The following CNBD1 variants were observed in gnomAD, a reference collection of about 807,000 sequenced individuals.
The protein encoded by CNBD1 is cyclic nucleotide binding domain containing 1.
A neutral mutation model predicts 54.4 loss-of-function variants in CNBD1; 71 were observed. The observed-to-expected ratio is 1.30, with a 90% confidence interval of 1.08 to 1.59. CNBD1 has a LOEUF of 1.59. CNBD1 is among the 40% of genes most tolerant of loss of function. The pLI is 0.00. For missense variants in CNBD1, 659 were observed against 518.0 expected (o/e 1.27, Z -2.64); for synonymous variants, 182 against 170.7 (o/e 1.07, Z -0.51).
chr8:86,984,629 G>A lies in CNBD1; in HGVS notation c.431+44875G>A, dbSNP rs140317716. Among the ~76,000 whole-genome samples the A allele has an allele frequency of 5.6e-3, 847 of 152,310 alleles. 14 individuals are homozygous for A. Among genetic ancestry groups the A allele is most frequent in the African/African-American group, 0.019 (804 of 41,570 alleles). On this transcript the variant is annotated intron_variant, in intron 4 of 10. Coordinates refer to ENST00000518476, the MANE Select transcript of CNBD1 (RefSeq NM_173538.3). ...GTGTGACCTGTATGTGAGACATGGA[G>A]TCAAAGGAGATCATTTTAAAGCTTT...
intron 8 of CNBD1, among the ~76,000 whole-genome samples, chr8:87,313,602 C>T (rs1481027999): frequency 6.6e-6 from 1 of 151,822 alleles, no homozygotes; most frequent in African/African-American, 2.4e-5. Flanking sequence ...ATTCTGTGTC[C>T]TGCATAACAA....
At chr8:87,394,155 G>A (rs754336700) in intron 2 of CNBD1, among the ~76,000 whole-genome samples, 11 of 151,884 alleles carry the variant, frequency 7.2e-5, no homozygotes, top group Admixed American at 3.9e-4. Flanking sequence ...TATTTTATGA[G>A]CATGTTACAC....
chr8:87,335,447 A>G (rs1428505062), intron 8 of CNBD1, among the ~76,000 whole-genome samples: 1 of 152,114 alleles, frequency 6.6e-6, no homozygotes, highest in East Asian at 1.9e-4. Flanking sequence ...TGATCCCTTT[A>G]TCATTATGTA....
At chr8:87,370,226 C>G (rs1263736824) in intron 10 of CNBD1, among the ~76,000 whole-genome samples, 10 of 151,912 alleles carry the variant, frequency 6.6e-5, no homozygotes, top group African/African-American at 2.4e-4. Context: ...GATTTGTAGT[C>G]CTTTGGGTAT....
chr8:87,317,995 C>G (rs1809435312), intron 8 of CNBD1, among the ~76,000 whole-genome samples: 1 of 151,934 alleles, frequency 6.6e-6, no homozygotes, highest in Non-Finnish European at 1.5e-5. Flanking sequence ...TACTGTACAT[C>G]AGAACCATTA....
At chr8:87,080,205 C>T (rs1810961134) in intron 4 of CNBD1, among the ~76,000 whole-genome samples, 1 of 152,126 alleles carries the variant, frequency 6.6e-6, no homozygotes, top group African/African-American at 2.4e-5. Context: ...TTATAATAAG[C>T]CTGGCAATCA....
chr8:87,328,123 C>G (rs989631282), intron 8 of CNBD1, among the ~76,000 whole-genome samples: 2 of 152,002 alleles, frequency 1.3e-5, no homozygotes, highest in African/African-American at 4.8e-5. Flanking sequence ...TGTCCTGATG[C>G]TCTCCTTCCC....
chr8:86,982,665 C>CA (rs2130511480), intron 4 of CNBD1, among the ~76,000 whole-genome samples: 1 of 152,296 alleles, frequency 6.6e-6, no homozygotes, highest in East Asian at 1.9e-4. Flanking sequence ...CCTATGCCAG[C>CA]ATAACATTTT....
chr8:87,261,365 T>G (rs1360647136), intron 6 of CNBD1, among the ~76,000 whole-genome samples: 3 of 151,902 alleles, frequency 2.0e-5, no homozygotes, highest in Non-Finnish European at 4.4e-5. Context: ...TTACTTTGGA[T>G]CCCACTTCTG....
chr8:87,177,877 GAATTTTAAC>G (rs1813231713), intron 4 of CNBD1, among the ~76,000 whole-genome samples: 1 of 152,144 alleles, frequency 6.6e-6, no homozygotes, highest in Non-Finnish European at 1.5e-5. Context: ...GCTATGAGGA[GAATTTTAAC>G]AAATAGTAGG....
intron 2 of CNBD1, among the ~76,000 whole-genome samples, chr8:87,398,120 A>G (rs1811442099): frequency 6.6e-6 from 1 of 151,498 alleles, no homozygotes; most frequent in South Asian, 2.1e-4. Flanking sequence ...CAGCATCTTT[A>G]TAATATGGCC....
chr8:87,207,313 A>T (rs991324592), intron 5 of CNBD1, among the ~76,000 whole-genome samples: 2 of 152,136 alleles, frequency 1.3e-5, no homozygotes, highest in South Asian at 4.1e-4. Context: ...TGATATATCT[A>T]TTATATAGAA....
intron 6 of CNBD1, among the ~76,000 whole-genome samples, chr8:87,276,838 GC>G (rs1332925132): frequency 8.8e-5 from 12 of 136,680 alleles, no homozygotes; most frequent in African/African-American, 2.3e-4. Flanking sequence ...AAATAAATGA[GC>G]AGAAAATAGT....
At chr8:87,221,867 C>T (rs1046615255) in intron 5 of CNBD1, among the ~76,000 whole-genome samples, 6 of 151,958 alleles carry the variant, frequency 3.9e-5, no homozygotes, top group Non-Finnish European at 8.8e-5. Context: ...GTTTTATTTG[C>T]CTGCTGTCTT....
chr8:87,394,958 A>C (rs536374840), intron 2 of CNBD1, among the ~76,000 whole-genome samples: 1 of 152,060 alleles, frequency 6.6e-6, no homozygotes, highest in South Asian at 2.1e-4. Context: ...CCACCAAATT[A>C]AGTAATTGAA....
In CNBD1 at chr8:87,371,336, G is replaced by A. The variant is rs1286890325; in HGVS notation, c.1304-11284G>A. On this transcript the variant is annotated intron_variant, in intron 10 of 10. Transcript: ENST00000518476. ...CCTTGGGCAGTATGGCCATTTTCAT[G>A]ATATTGATTCTTCCTACCCATGAGC... Among the ~76,000 whole-genome samples the A allele has an allele frequency of 3.8e-3, 575 of 151,978 alleles. 7 individuals are homozygous for A. The highest frequency in any genetic ancestry group is 0.013 in the African/African-American group (542 of 41,466).
chr8:87,321,257 G>A (rs1212155447), intron 8 of CNBD1, among the ~76,000 whole-genome samples: 4 of 151,842 alleles, frequency 2.6e-5, no homozygotes, highest in Non-Finnish European at 4.4e-5. Context: ...TCTTCATACT[G>A]TTTTCCATAA....
At chr8:87,248,428 G>A (rs1057031839) in intron 6 of CNBD1, among the ~76,000 whole-genome samples, 2 of 152,226 alleles carry the variant, frequency 1.3e-5, no homozygotes, top group South Asian at 4.1e-4. Context: ...CACTAAGAAT[G>A]ATGCTGTCAG....
At chr8:86,870,189 C>CTTTTTTTTTTTTTTT (rs71275890) in intron 1 of CNBD1, among the ~76,000 whole-genome samples, 22,369 of 97,716 alleles carry the variant, frequency 0.23, 4,472 homozygotes, top group East Asian at 0.3. Flanking sequence ...AGATAGTACT[C>CTTTTTTTTTTTTTTT]TTTTTTTTTT....
Sources: allele counts gnomAD v4.1 joint callset (sites outside exome capture counted in the v4.1 genomes callset), GRCh38; gene constraint gnomAD v4.1.1; transcripts MANE v1.5; gene names NCBI Gene and HGNC (gene_info 2026-07-23, HGNC 2026-07-21).